BABAM2: variants seen among roughly 807,000 people sequenced by gnomAD.
BABAM2 encodes BRISC and BRCA1-A complex member 2.
In BABAM2, 31 loss-of-function variants were observed where a neutral mutation model predicts 54.7. That is an observed-to-expected ratio of 0.57 (90% CI 0.43 to 0.77). The LOEUF (loss-of-function observed/expected upper bound fraction) is 0.77, where lower values mean the gene tolerates loss of function less well. BABAM2 is among the 30% of genes least tolerant of loss of function. The pLI is 0.00. For synonymous variants in BABAM2, 167 were observed against 162.9 expected (o/e 1.03, Z -0.19); for missense variants, 364 against 455.8 (o/e 0.80, Z 1.83).
chr2:28,104,690 T>C (rs1418899523), intron 6 of BABAM2, among the ~76,000 whole-genome samples: 4 of 152,132 alleles, frequency 2.6e-5, no homozygotes, highest in Non-Finnish European at 4.4e-5. Flanking sequence ...CATTACTGGG[T>C]ATATACCCAA....
At chr2:28,033,064 C>T (rs142665273) in intron 5 of BABAM2, among the ~76,000 whole-genome samples, 4 of 152,130 alleles carry the variant, frequency 2.6e-5, no homozygotes, top group Non-Finnish European at 4.4e-5. Flanking sequence ...TACTGCTACC[C>T]GTTTGAGCAG....
At chr2:27,987,772 A>G (rs557017978) in intron 3 of BABAM2, among the ~76,000 whole-genome samples, 132 of 150,190 alleles carry the variant, frequency 8.8e-4, no homozygotes, top group Non-Finnish European at 1.6e-3. Context: ...TCAAGATGAC[A>G]CCGTTGCACT....
At position 28,244,781 on chromosome 2, in the gene BABAM2, G is replaced by A; in HGVS notation, c.853G>A (p.Gly285Ser). 39 of 1,613,058 alleles carry A rather than the reference G, an allele frequency of 2.4e-5. No individual in the cohort carries two copies. The highest frequency in any genetic ancestry group is 3.2e-5 in the Non-Finnish European group (38 of 1,179,554). The change falls in exon 10 of 12, where the codon GGT becomes AGT. Residue 285 changes from glycine (G) to serine (S), a missense_variant and splice_region_variant. Physicochemically the swap from Gly to Ser is moderately conservative, Grantham distance 56. Transcript: ENST00000379624. ...TGTGTGTATGTTTTTATTACTTAGA[G>A]GTGTCGTGGAATATGATGCAGAAGG... ...IAAFLSHFGT[G>S]VVEYDAEGFT...
At chr2:28,267,198 T>C (rs976894509) in intron 10 of BABAM2, among the ~76,000 whole-genome samples, 4 of 152,068 alleles carry the variant, frequency 2.6e-5, no homozygotes, top group Non-Finnish European at 5.9e-5. Flanking sequence ...ACAAAGATCC[T>C]ATGTACCCTT....
intron 10 of BABAM2, 137 bp from the exon 11 acceptor site, chr2:28,298,201 A>T: frequency 2.2e-6 from 2 of 907,016 alleles, no homozygotes; most frequent in South Asian, 1.6e-5. Context: ...TCTATACACC[A>T]CACCTTTCAT....
chr2:28,196,294 T>C (rs1677535220), intron 7 of BABAM2, among the ~76,000 whole-genome samples: 1 of 133,898 alleles, frequency 7.5e-6, no homozygotes, highest in Non-Finnish European at 1.7e-5. Context: ...GCCACTGCAC[T>C]CCAGCCTGGG....
intron 7 of BABAM2, among the ~76,000 whole-genome samples, chr2:28,147,843 G>A (rs955964017): frequency 3.3e-5 from 5 of 152,114 alleles, no homozygotes; most frequent in Admixed American, 3.3e-4. Flanking sequence ...TTTGTTTTGT[G>A]ATATGGTCCA....
In BABAM2 at chr2:27,913,811, A is replaced by G. The variant is rs558240072; in HGVS notation, c.129-16021A>G. ...TGTTTGCTTCTTAAAGCTGTAATGTAGTTATATTTTCTAAGTTGAACGTCT... is the reference window on the plus strand; with the variant it reads ...TGTTTGCTTCTTAAAGCTGTAATGTGGTTATATTTTCTAAGTTGAACGTCT... On this transcript the variant is annotated intron_variant, in intron 2 of 11. Coordinates refer to ENST00000379624, the MANE Select transcript of BABAM2 (RefSeq NM_199191.3). Among the ~76,000 whole-genome samples the G allele has an allele frequency of 6.6e-5, 10 of 152,166 alleles. No individual in the cohort carries two copies. In the South Asian group the frequency reaches 1.9e-3, roughly 28 times the overall value.
chr2:28,091,244 G>A (rs916439408), intron 6 of BABAM2, among the ~76,000 whole-genome samples: 5 of 151,946 alleles, frequency 3.3e-5, no homozygotes, highest in Non-Finnish European at 7.4e-5. Flanking sequence ...TAAATGATGC[G>A]AAAAAAATAC....
rs1048142653 is a variant in BABAM2 at position 28,182,663 on chromosome 2, C to G, written c.680+53283C>G. 5.9e-5 allele frequency among the ~76,000 whole-genome samples: 9 copies of G among 152,190 alleles called. 1 individual carries two copies. ...GGACCTGCTATGCAGTTACTGCGGA[C>G]TGCAAATTCACATGTACACCAACTG... On this transcript the variant is annotated intron_variant, in intron 7 of 11. Transcript: ENST00000379624.
chr2:28,313,145 C>T (rs761363675), intron 11 of BABAM2, among the ~76,000 whole-genome samples: 14 of 152,190 alleles, frequency 9.2e-5, no homozygotes, highest in Non-Finnish European at 1.9e-4. Flanking sequence ...GGCTGAAGGC[C>T]TCTGTGCCCA....
chr2:28,335,113 T>C (rs1691312846), intron 11 of BABAM2, among the ~76,000 whole-genome samples: 1 of 150,782 alleles, frequency 6.6e-6, no homozygotes, highest in Non-Finnish European at 1.5e-5. Context: ...ACCTAAATAT[T>C]GTACCTGTTC....
chr2:28,256,696 T>C (rs976197486), intron 10 of BABAM2, among the ~76,000 whole-genome samples: 1 of 148,062 alleles, frequency 6.8e-6, no homozygotes, highest in Non-Finnish European at 1.5e-5. Flanking sequence ...CTCACTTCTT[T>C]TTTTTTTTTT....
At chr2:28,113,537 G>A (rs998300886) in intron 6 of BABAM2, among the ~76,000 whole-genome samples, 2 of 152,182 alleles carry the variant, frequency 1.3e-5, no homozygotes, top group African/African-American at 4.8e-5. Flanking sequence ...GTACCATGCT[G>A]TTTTGGTTGC....
chr2:28,133,180 TGTG>T (rs1453273250), intron 7 of BABAM2, among the ~76,000 whole-genome samples: 2 of 152,214 alleles, frequency 1.3e-5, no homozygotes, highest in Non-Finnish European at 2.9e-5. Context: ...TATTAATACT[TGTG>T]GTTAATTCTT....
At chr2:28,030,828 G>A (rs1479974815) in intron 5 of BABAM2, among the ~76,000 whole-genome samples, 1 of 152,068 alleles carries the variant, frequency 6.6e-6, no homozygotes, top group Non-Finnish European at 1.5e-5. Flanking sequence ...GTCTCCCTTG[G>A]CCAAAATCAA....
At position 27,920,102 on chromosome 2, in the gene BABAM2, A is replaced by G. The variant is rs143300494; in HGVS notation, c.129-9730A>G. Among the ~76,000 whole-genome samples the G allele has an allele frequency of 7.3e-3, 1,106 of 152,318 alleles. 21 individuals carry two copies. The highest frequency in any genetic ancestry group is 0.025 in the African/African-American group (1,051 of 41,582). On this transcript the variant is annotated intron_variant, in intron 2 of 11. Transcript: ENST00000379624. Reference sequence around the variant, plus strand: ...ATAGAATGTACTTGATGTATCAAGAATATCATATGTCATCAAATGCATAGC... The same window carrying G: ...ATAGAATGTACTTGATGTATCAAGAGTATCATATGTCATCAAATGCATAGC...
chr2:28,237,211 A>C lies in BABAM2; in HGVS notation c.690A>C (p.Gly230=). The change falls in exon 8 of 12, where the codon GGA becomes GGC. Residue 230 remains glycine (G), a synonymous_variant. Transcript: ENST00000379624. ...YLSPRIEHAL[G]GSSALHIPAF... ...ACTCTTGTCCTTTCAGTGCACTTGG[A>C]GGCTCCTCAGCTCTTCATATCCCAG... 3 of 1,613,554 alleles carry C rather than the reference A, an allele frequency of 1.9e-6. No homozygotes were observed. The highest frequency in any genetic ancestry group is 2.5e-6 in the Non-Finnish European group (3 of 1,179,594).
At chr2:28,177,105 G>A (rs867407033) in intron 7 of BABAM2, among the ~76,000 whole-genome samples, 3 of 152,000 alleles carry the variant, frequency 2.0e-5, no homozygotes, top group Admixed American at 6.5e-5. Context: ...CCTGCGGCAC[G>A]TGATAGTCAA....
Sources: gnomAD v4.1 joint callset for allele counts (sites outside exome capture counted in the v4.1 genomes callset) on GRCh38, gnomAD v4.1.1 for gene constraint, MANE v1.5 for transcripts, NCBI Gene and HGNC (gene_info 2026-07-23, HGNC 2026-07-21) for gene names.